Variants in FAM222A observed in about 807,000 individuals in gnomAD.
FAM222A encodes the protein protein FAM222A.
FAM222A carries 7 observed loss-of-function variants against 25.8 expected under a neutral mutation model. The observed-to-expected ratio is 0.27, with a 90% CI of 0.15 to 0.51. FAM222A has a LOEUF of 0.51. FAM222A is among the 20% of genes least tolerant of loss of function. The pLI is 0.97. For missense variants in FAM222A, 573 were observed against 640.5 expected (o/e 0.89, Z 1.14); for synonymous variants, 294 against 298.8 (o/e 0.98, Z 0.17).
At position 109,714,127 on chromosome 12, in the gene FAM222A, G is replaced by C. The variant is rs1283848681; in HGVS notation, c.-817G>C. On this transcript the variant is annotated 5_prime_UTR_variant, in exon 1 of 3. Coordinates refer to ENST00000538780, the MANE Select transcript of FAM222A (RefSeq NM_032829.3). This position sits in a 1 kb window ranked among gnomAD's most constrained non-coding sequence, Gnocchi z 4.2. ...AGTCCCCCGGGCCGTCCTCGTGTCC[G>C]TCCTGCGCCACTGGGATCGGCTGTT... 1.2e-5 allele frequency: 2 copies of C among 163,656 alleles called. No homozygotes were observed. The highest frequency in any genetic ancestry group is 2.7e-5 in the Non-Finnish European group (2 of 75,168). The allele number at this position is 163,656 out of a possible 1,614,324, so 10.1% of individuals were successfully genotyped here.
intron 1 of FAM222A, among the ~76,000 whole-genome samples, chr12:109,715,441 G>T (rs1157624540): frequency 6.6e-6 from 1 of 152,182 alleles, no homozygotes. Flanking sequence ...GTGGGGGCAC[G>T]ACATGACGTC....
At chr12:109,750,789 A>AT (rs1297036515) in intron 2 of FAM222A, among the ~76,000 whole-genome samples, 1 of 151,872 alleles carries the variant, frequency 6.6e-6, no homozygotes. Context: ...AAAAAAAAAA[A>AT]AGTTCCTGGT....
At chr12:109,716,954 A>T (rs1042703019) in intron 1 of FAM222A, among the ~76,000 whole-genome samples, 1 of 152,242 alleles carries the variant, frequency 6.6e-6, no homozygotes, top group African/African-American at 2.4e-5. Context: ...AGGCTTAAAC[A>T]GAGGAAGTGA....
chr12:109,729,501 G>A (rs953775513), intron 1 of FAM222A, among the ~76,000 whole-genome samples: 4 of 152,186 alleles, frequency 2.6e-5, no homozygotes, highest in African/African-American at 7.2e-5. Context: ...TGAGCCCCAC[G>A]AGGGCACCAC....
At chr12:109,717,808 T>C (rs746810023) in intron 1 of FAM222A, among the ~76,000 whole-genome samples, 1 of 152,178 alleles carries the variant, frequency 6.6e-6, no homozygotes, top group Non-Finnish European at 1.5e-5. Context: ...ACTTATCTAA[T>C]TCCTGTAAGC....
chr12:109,735,581 T>A (rs1263262166), intron 1 of FAM222A: 1 of 152,252 alleles, frequency 6.6e-6, no homozygotes, highest in Non-Finnish European at 1.5e-5. Flanking sequence ...ATCTCCACTG[T>A]GGGTCTTACC....
intron 2 of FAM222A, among the ~76,000 whole-genome samples, chr12:109,752,770 TAA>T (rs1256588452): frequency 6.6e-6 from 1 of 152,130 alleles, no homozygotes; most frequent in African/African-American, 2.4e-5. Flanking sequence ...CCTTTTCCTG[TAA>T]AACAGGGATC....
chr12:109,715,664 C>T lies in FAM222A; in HGVS notation c.-47+767C>T, dbSNP rs572480611. Reference sequence around the variant, plus strand: ...AGGTGGGGGAGGGAGGCAGTGCCAGCTGTCCCTGTTGATGCTCCTCCCCGC... The same window carrying T: ...AGGTGGGGGAGGGAGGCAGTGCCAGTTGTCCCTGTTGATGCTCCTCCCCGC... On this transcript the variant is annotated intron_variant, in intron 1 of 2. Transcript: ENST00000538780. Among the ~76,000 whole-genome samples, 4 of 152,332 alleles carry T rather than the reference C, an allele frequency of 2.6e-5. No individual in the cohort carries two copies. In the South Asian group the frequency reaches 6.2e-4, roughly 24 times the overall value.
At chr12:109,723,022 A>G (rs1292659192) in intron 1 of FAM222A, among the ~76,000 whole-genome samples, 2 of 151,610 alleles carry the variant, frequency 1.3e-5, no homozygotes, top group East Asian at 1.9e-4. Flanking sequence ...AGGGGGTATC[A>G]GGGCCTTATT....
chr12:109,744,209 G>C lies in FAM222A; in HGVS notation c.63G>C (p.Lys21Asn), dbSNP rs769832614. 1 of 1,613,262 alleles carries C rather than the reference G, an allele frequency of 6.2e-7. No homozygotes were observed. The highest frequency in any genetic ancestry group is 1.1e-5 in the South Asian group (1 of 91,068). Residue 21 changes from lysine (K) to asparagine (N), a missense_variant, in exon 2 of 3, where the codon AAG becomes AAC. This residue lies in a region of FAM222A where 112 missense variants were observed against 154.6 expected (regional missense o/e 0.72). Transcript: ENST00000538780. Reference sequence around the variant, plus strand: ...GCCAACACCTGGCCTGCCCGAGCAAGAGCCTGGAGCTGCGCAAGTGTGAGT... The same window carrying C: ...GCCAACACCTGGCCTGCCCGAGCAACAGCCTGGAGCTGCGCAAGTGTGAGT... ...APGQHLACPS[K>N]SLELRKCEAV...
rs749069255 is a variant in FAM222A, at chr12:109,768,822, A to G, written c.893A>G (p.Gln298Arg). The change falls in exon 3 of 3, where the codon CAG becomes CGG. Residue 298 changes from glutamine to arginine, a missense_variant. Physicochemically the swap from Gln to Arg is conservative, Grantham distance 43. Coordinates refer to ENST00000538780, the MANE Select transcript of FAM222A (RefSeq NM_032829.3). ...WPQKPPPPPPQPLRAYSGSTV... is the reference protein window; with the variant it reads ...WPQKPPPPPPRPLRAYSGSTV... ...CAGAAACCGCCCCCACCGCCGCCCC[A>G]GCCACTGCGTGCCTACAGTGGGAGC... is the stretch of plus-strand genomic sequence containing the variant. 1.0e-5 allele frequency: 16 copies of G among 1,576,662 alleles called. No homozygotes were observed. Among genetic ancestry groups the G allele is most frequent in the Non-Finnish European group, 1.4e-5 (16 of 1,167,850 alleles).
intron 1 of FAM222A, among the ~76,000 whole-genome samples, chr12:109,737,667 C>T (rs1022368400): frequency 1.3e-5 from 2 of 152,070 alleles, no homozygotes; most frequent in Admixed American, 1.3e-4. Flanking sequence ...TTCACAGGCC[C>T]CTTATCCACA....
At chr12:109,758,036 G>A (rs1404602045) in intron 2 of FAM222A, among the ~76,000 whole-genome samples, 1 of 152,216 alleles carries the variant, frequency 6.6e-6, no homozygotes, top group Non-Finnish European at 1.5e-5. Flanking sequence ...AGGCTGGAGA[G>A]GGATTAAAGT....
At position 109,762,498 on chromosome 12, in the gene FAM222A, G is replaced by A. The variant is rs569032296; in HGVS notation, c.83-5514G>A. Reference sequence around the variant, plus strand: ...TTTGATAGAATGGAGTCACGAAGCCGCAGGCCCCCTCCCCACCATCCTTGC... The same window carrying A: ...TTTGATAGAATGGAGTCACGAAGCCACAGGCCCCCTCCCCACCATCCTTGC... On this transcript the variant is annotated intron_variant, in intron 2 of 2. Coordinates refer to ENST00000538780, the MANE Select transcript of FAM222A (RefSeq NM_032829.3). 4.6e-5 allele frequency among the ~76,000 whole-genome samples: 7 copies of A among 152,278 alleles called. No homozygotes were observed. The South Asian group carries it at 6.2e-4, about 14-fold the overall frequency.
chr12:109,724,387 C>T (rs1338090143), intron 1 of FAM222A, among the ~76,000 whole-genome samples: 2 of 152,238 alleles, frequency 1.3e-5, no homozygotes, highest in East Asian at 3.8e-4. Flanking sequence ...TGTCCCCTTC[C>T]TACCCAAGAA....
At chr12:109,717,202 C>CAGGT (rs1184702624) in intron 1 of FAM222A, among the ~76,000 whole-genome samples, 2 of 152,216 alleles carry the variant, frequency 1.3e-5, no homozygotes, top group African/African-American at 4.8e-5. Flanking sequence ...CTATGACCTA[C>CAGGT]AGGTCAGCGT....
At position 109,745,330 on chromosome 12, in the gene FAM222A, CA is replaced by C. The variant is rs373971149; in HGVS notation, c.82+1103del. Among the ~76,000 whole-genome samples, 24 of 152,368 alleles carry C rather than the reference CA, an allele frequency of 1.6e-4. No individual in the cohort carries two copies. The East Asian group carries it at 4.0e-3, about 26-fold the overall frequency. Reference sequence around the variant, plus strand: ...TCTTTCGCCACATAGTTTTCTCTAGCAGGGGTGGCCCATAATTTATTTGGCC... The same window carrying C: ...TCTTTCGCCACATAGTTTTCTCTAGCGGGGTGGCCCATAATTTATTTGGCC... On this transcript the variant is annotated intron_variant, in intron 2 of 2. Coordinates refer to ENST00000538780, the MANE Select transcript of FAM222A (RefSeq NM_032829.3).
rs1325138414 is a variant in FAM222A, at chr12:109,768,683, G to A, written c.754G>A (p.Asp252Asn). 1.1e-5 allele frequency: 17 copies of A among 1,590,310 alleles called. No homozygotes were observed. Among genetic ancestry groups the A allele is most frequent in the East Asian group, 2.3e-5 (1 of 44,312 alleles). ...MAYSAAAGLP[D>N]CRKGTELGQG... ...CTACTCGGCTGCAGCCGGTCTGCCC[G>A]ACTGCCGGAAAGGCACTGAGCTGGG... is the stretch of plus-strand genomic sequence containing the variant. The change falls in exon 3 of 3, where the codon GAC becomes AAC. Residue 252 changes from aspartate (D) to asparagine (N), a missense_variant. Physicochemically the swap from Asp to Asn is conservative, Grantham distance 23. Transcript: ENST00000538780.
At chr12:109,724,973 C>A (rs943971610) in intron 1 of FAM222A, among the ~76,000 whole-genome samples, 4 of 152,038 alleles carry the variant, frequency 2.6e-5, no homozygotes, top group Admixed American at 6.6e-5. Flanking sequence ...CGGAAACCAC[C>A]GTGCAATCTA....
Sources: allele counts gnomAD v4.1 joint callset (sites outside exome capture counted in the v4.1 genomes callset), GRCh38; gene constraint gnomAD v4.1.1; regional missense constraint gnomAD v4.1.1; non-coding constraint Gnocchi (gnomAD v3.1); transcripts MANE v1.5; gene names NCBI Gene and HGNC (gene_info 2026-07-23, HGNC 2026-07-21).